Variants in PLA2G4E observed in about 807,000 individuals in gnomAD.
PLA2G4E encodes the protein phospholipase A2 group IVE.
PLA2G4E carries 84 observed loss-of-function variants against 109.1 expected under a neutral mutation model. The observed-to-expected ratio is 0.77, with a 90% CI of 0.65 to 0.92. The LOEUF is 0.92. PLA2G4E is among the 40% of genes least tolerant of loss of function. The probability of loss-of-function intolerance (pLI) is 0.00; values close to 1 mark genes in which losing one functional copy is unlikely to be tolerated. For synonymous variants in PLA2G4E, 469 were observed against 436.1 expected (o/e 1.08, Z -0.94); for missense variants, 1,057 against 1,076.6 (o/e 0.98, Z 0.25).
chr15:42,006,009 T>G, exon 4 of PLA2G4E: 1 of 1,613,914 alleles, frequency 6.2e-7, no homozygotes, highest in Non-Finnish European at 8.5e-7. Flanking sequence ...GAGTGGAAAC[T>G]TCACGTGGGT....
chr15:42,010,463 G>C (rs193023243), intron 2 of PLA2G4E, among the ~76,000 whole-genome samples: 5 of 152,282 alleles, frequency 3.3e-5, no homozygotes, highest in African/African-American at 1.2e-4. Context: ...CTTTTGCAGA[G>C]AGCTGCTTCC....
At chr15:42,023,074 C>T (rs910030598) in intron 1 of PLA2G4E, among the ~76,000 whole-genome samples, 14 of 151,906 alleles carry the variant, frequency 9.2e-5, no homozygotes, top group African/African-American at 1.2e-4. Context: ...AAGCAGGGCA[C>T]GCTTATGTAT....
chr15:42,021,228 C>T (rs1415986178), intron 1 of PLA2G4E, among the ~76,000 whole-genome samples, 186 bp from the exon 1 acceptor site: 5 of 151,672 alleles, frequency 3.3e-5, no homozygotes, highest in Admixed American at 6.6e-5. Context: ...TACAGGGACC[C>T]GCAGGGCTCT....
At chr15:42,032,591 A>G (rs1445322929) in intron 1 of PLA2G4E, among the ~76,000 whole-genome samples, 1 of 152,226 alleles carries the variant, frequency 6.6e-6, no homozygotes, top group Non-Finnish European at 1.5e-5. Flanking sequence ...AGACTTCTGT[A>G]TATTTTCACC....
intron 1 of PLA2G4E, among the ~76,000 whole-genome samples, chr15:42,039,347 T>C (rs1041489468): frequency 5.9e-5 from 9 of 152,194 alleles, no homozygotes; most frequent in African/African-American, 2.2e-4. Flanking sequence ...TAGTAAATAA[T>C]TGCATATTTC....
intron 10 of PLA2G4E, 181 bp from the exon 11 acceptor site, chr15:41,997,440 G>A (rs928345184): frequency 1.7e-6 from 1 of 571,850 alleles, no homozygotes; most frequent in Non-Finnish European, 2.8e-6. Flanking sequence ...TCTCAGCACT[G>A]TCTTCAGCAC....
chr15:42,015,476 C>T (rs571589732), intron 1 of PLA2G4E, among the ~76,000 whole-genome samples: 15 of 152,222 alleles, frequency 9.9e-5, no homozygotes, highest in Non-Finnish European at 2.1e-4. Context: ...TCTGTGTGCT[C>T]GCTGGTAGGG....
rs752443568 is a variant in PLA2G4E, at chr15:42,007,874, G to T, written c.257-9C>A. 1.4e-5 allele frequency: 23 copies of T among 1,596,142 alleles called. No homozygotes were observed. The South Asian group carries it at 2.6e-4, about 18-fold the overall frequency. ...ACAGTCTGTCTGGCTCACTGTCCAAGAAAGATAAGTGGAACCAATCCAGGT... is the reference window on the plus strand; with the variant it reads ...ACAGTCTGTCTGGCTCACTGTCCAATAAAGATAAGTGGAACCAATCCAGGT... On this transcript the variant is annotated splice_polypyrimidine_tract_variant and intron_variant, in intron 2 of 19. Transcript: ENST00000399518.
chr15:41,990,412 T>C (rs912009153), intron 13 of PLA2G4E, among the ~76,000 whole-genome samples, 177 bp from the exon 14 acceptor site: 1 of 152,028 alleles, frequency 6.6e-6, no homozygotes, highest in Non-Finnish European at 1.5e-5. Context: ...ACCAATGGCA[T>C]AGGCACCACC....
At position 42,000,090 on chromosome 15, in the gene PLA2G4E, C is replaced by T; in HGVS notation, c.852+14G>A. On this transcript the variant is annotated intron_variant, in intron 8 of 19. Coordinates refer to ENST00000399518, the Ensembl canonical transcript of PLA2G4E. ...CAGTCCCCCACACCTCCCCCAGTGT[C>T]AGCCGCCTTGTACCCCACAGCTCCA... The T allele has an allele frequency of 1.3e-6, 2 of 1,579,062 alleles. No homozygotes were observed. The highest frequency in any genetic ancestry group is 1.7e-6 in the Non-Finnish European group (2 of 1,162,210).
At chr15:42,020,265 T>A (rs1173823144) in intron 1 of PLA2G4E, among the ~76,000 whole-genome samples, 2 of 152,246 alleles carry the variant, frequency 1.3e-5, no homozygotes, top group Non-Finnish European at 2.9e-5. Flanking sequence ...GAGGAAGAAG[T>A]GCTGCCTTCG....
chr15:41,996,255 A>G (rs2068336636), intron 11 of PLA2G4E, among the ~76,000 whole-genome samples: 1 of 149,100 alleles, frequency 6.7e-6, no homozygotes, highest in East Asian at 2.1e-4. Context: ...GGCTGAAGTA[A>G]GAGGATTGCT....
intron 5 of PLA2G4E, among the ~76,000 whole-genome samples, chr15:42,004,176 C>G (rs1364623741): frequency 2.6e-5 from 4 of 152,064 alleles, no homozygotes; most frequent in African/African-American, 9.7e-5. Flanking sequence ...GTGGTGTGTT[C>G]CTGTAATCAC....
At chr15:42,002,538 G>A (rs546295821) in intron 6 of PLA2G4E, 116 bp downstream of exon 6, 1 of 1,189,572 alleles carries the variant, frequency 8.4e-7, no homozygotes, top group Non-Finnish European at 1.2e-6. Flanking sequence ...TCCTGCAGAG[G>A]TCAGGATAGG....
chr15:41,996,420 G>GT (rs1460334633), intron 11 of PLA2G4E, among the ~76,000 whole-genome samples: 16 of 145,920 alleles, frequency 1.1e-4, no homozygotes, highest in Admixed American at 9.6e-4. Context: ...CATTCTGTCT[G>GT]TTTTCCTTTG....
rs189601446 is a variant in PLA2G4E at position 41,998,730 on chromosome 15, C to T, written c.974+794G>A. ...CCTAAATGTGAGAGCTAAAACTAAACAAGTCTTAGAAAAAAACATGGGAAT... is the reference window on the plus strand; with the variant it reads ...CCTAAATGTGAGAGCTAAAACTAAATAAGTCTTAGAAAAAAACATGGGAAT... On this transcript the variant is annotated intron_variant, in intron 10 of 19. Coordinates refer to ENST00000399518, the Ensembl canonical transcript of PLA2G4E. The T allele has an allele frequency of 9.5e-4, 144 of 152,344 alleles. 1 individual carries two copies. Among genetic ancestry groups the T allele is most frequent in the African/African-American group, 3.3e-3 (138 of 41,588 alleles). The allele number at this position is 152,344 out of a possible 1,614,324, so 9.4% of individuals were successfully genotyped here.
At chr15:42,019,505 C>T (rs2068627747) in intron 1 of PLA2G4E, among the ~76,000 whole-genome samples, 2 of 152,162 alleles carry the variant, frequency 1.3e-5, no homozygotes, top group African/African-American at 4.8e-5. Context: ...GGGGAGCCTG[C>T]AGGAACTCCC....
At chr15:42,000,061 G>T (rs1337303619) in intron 8 of PLA2G4E, 43 bp downstream of exon 8, 1 of 1,573,082 alleles carries the variant, frequency 6.4e-7, no homozygotes, top group African/African-American at 1.4e-5. Context: ...CCCCCCACCT[G>T]TCCCAGTCCC....
chr15:41,985,543 T>A (rs553261976), intron 18 of PLA2G4E, among the ~76,000 whole-genome samples: 43 of 152,376 alleles, frequency 2.8e-4, no homozygotes, highest in African/African-American at 9.4e-4. Context: ...AGGTTATTTT[T>A]AAAAACTCAT....
Sources: allele counts gnomAD v4.1 joint callset (sites outside exome capture counted in the v4.1 genomes callset), GRCh38; gene constraint gnomAD v4.1.1; transcripts MANE v1.5; gene names NCBI Gene and HGNC (gene_info 2026-07-23, HGNC 2026-07-21).